Variants in ACSL1 observed in about 807,000 individuals in gnomAD.
ACSL1 encodes acyl-CoA synthetase long chain family member 1, also known as long-chain-fatty-acid--CoA ligase 1.
A neutral mutation model predicts 98.4 loss-of-function variants in ACSL1; 41 were observed. That is an observed-to-expected ratio of 0.42 (90% confidence interval 0.32 to 0.54). The LOEUF (loss-of-function observed/expected upper bound fraction) is 0.54. Ranked by LOEUF, ACSL1 falls within the 20% of genes least tolerant of loss-of-function variation. The probability of loss-of-function intolerance (pLI) is 0.13; values close to 1 mark genes in which losing one functional copy is unlikely to be tolerated. For missense variants in ACSL1, 734 were observed against 883.1 expected (o/e 0.83, Z 2.14); for synonymous variants, 316 against 322.7 (o/e 0.98, Z 0.22).
At chr4:184,778,295 C>T (rs1335539548) in intron 5 of ACSL1, among the ~76,000 whole-genome samples, 1 of 152,230 alleles carries the variant, frequency 6.6e-6, no homozygotes, top group African/African-American at 2.4e-5. Context: ...GGGGCACAAC[C>T]CACTCACATC....
chr4:184,812,906 A>G (rs1314210264), intron 1 of ACSL1, among the ~76,000 whole-genome samples: 1 of 152,166 alleles, frequency 6.6e-6, no homozygotes, highest in Non-Finnish European at 1.5e-5. Flanking sequence ...ACTCAAGCAC[A>G]AGATCCAGAG....
intron 7 of ACSL1, 98 bp downstream of exon 7, chr4:184,776,386 G>T: frequency 7.3e-7 from 1 of 1,376,414 alleles, no homozygotes; most frequent in South Asian, 1.4e-5. Context: ...GCCAGCGCTG[G>T]GACTGCACCA....
chr4:184,779,846 T>A (rs1765933127), intron 5 of ACSL1, among the ~76,000 whole-genome samples: 1 of 152,064 alleles, frequency 6.6e-6, no homozygotes, highest in Non-Finnish European at 1.5e-5. Context: ...TAAAGGCGAT[T>A]AAAAGGCCCT....
At chr4:184,759,148 T>C (rs1018174918) in intron 18 of ACSL1, among the ~76,000 whole-genome samples, 1 of 152,192 alleles carries the variant, frequency 6.6e-6, no homozygotes. Flanking sequence ...CAGTCTATCA[T>C]TGTTGTATAT....
rs1330800888 is a variant in ACSL1 at position 184,756,045 on chromosome 4, A to T, written c.*1080T>A. The T allele has an allele frequency of 6.6e-6, 1 of 152,326 alleles. No homozygotes were observed. Among genetic ancestry groups the T allele is most frequent in the African/African-American group, 2.4e-5 (1 of 41,478 alleles). The allele number at this position is 152,326 out of a possible 1,614,324, so 9.4% of individuals were successfully genotyped here. Reference sequence around the variant, plus strand: ...CAAACACATTTCATAGAAATCAGGTAGCATTATAAGAACATTTGCTTATTA... The same window carrying T: ...CAAACACATTTCATAGAAATCAGGTTGCATTATAAGAACATTTGCTTATTA... On this transcript the variant is annotated 3_prime_UTR_variant, in exon 21 of 21. Coordinates refer to ENST00000281455, the MANE Select transcript of ACSL1 (RefSeq NM_001995.5).
chr4:184,757,202 T>C lies in ACSL1; in HGVS notation c.2020A>G (p.Met674Val), dbSNP rs377055038. 3.1e-6 allele frequency: 5 copies of C among 1,610,576 alleles called. No homozygotes were observed. The highest frequency in any genetic ancestry group is 2.7e-5 in the African/African-American group (2 of 74,876). Residue 674 changes from methionine (M) to valine (V), a missense_variant, in exon 21 of 21, where the codon ATG (methionine) becomes GTG (valine). Physicochemically the swap from Met to Val is conservative, Grantham distance 21. Coordinates refer to ENST00000281455, the MANE Select transcript of ACSL1 (RefSeq NM_001995.5). The surrounding 1 kb of genome is among the most constrained non-coding windows in gnomAD (Gnocchi z 4.5). ...SIDNGLLTPT[M>V]KAKRPELRNY... ...CGCAGCTCTGGCCTTTTCGCCTTCA[T>C]TGTTGGAGTCAGAAGGCCATTGTCG...
chr4:184,769,977 C>A (rs1267622576), intron 11 of ACSL1, among the ~76,000 whole-genome samples: 7 of 152,164 alleles, frequency 4.6e-5, no homozygotes, highest in Non-Finnish European at 7.3e-5. Flanking sequence ...CAAGCACAAT[C>A]AAAAATAGAG....
rs113684532 is a variant in ACSL1 at position 184,772,482 on chromosome 4, T to A, written c.915+599A>T. The stretch of plus-strand genomic sequence containing the variant: ...TAAAAGGCAAGTTTGGAATAGGCTG[T>A]TGGTGTTATGGACTGAATCACATCA... On this transcript the variant is annotated intron_variant, in intron 10 of 20. Coordinates refer to ENST00000281455, the MANE Select transcript of ACSL1 (RefSeq NM_001995.5). Among the ~76,000 whole-genome samples the A allele has an allele frequency of 4.3e-3, 661 of 152,352 alleles. 6 individuals carry two copies. The highest frequency in any genetic ancestry group is 0.015 in the African/African-American group (640 of 41,584).
At chr4:184,760,132 G>T (rs1356547844) in intron 18 of ACSL1, among the ~76,000 whole-genome samples, 1 of 152,072 alleles carries the variant, frequency 6.6e-6, no homozygotes, top group Non-Finnish European at 1.5e-5. Context: ...TGGTACATCA[G>T]ACCTCTCTAA....
At chr4:184,790,396 A>G (rs773905692) in intron 2 of ACSL1, among the ~76,000 whole-genome samples, 29 of 152,182 alleles carry the variant, frequency 1.9e-4, no homozygotes, top group Non-Finnish European at 3.8e-4. Context: ...ATTTATAGAC[A>G]TTCTGTCAAT....
At chr4:184,763,095 C>T in intron 16 of ACSL1, 72 bp downstream of exon 16, 2 of 1,499,446 alleles carry the variant, frequency 1.3e-6, no homozygotes, top group Non-Finnish European at 1.8e-6. Context: ...TTGGGAAATA[C>T]CACAGCATTC....
At chr4:184,785,821 T>C (rs1767193488) in intron 3 of ACSL1, among the ~76,000 whole-genome samples, 1 of 152,208 alleles carries the variant, frequency 6.6e-6, no homozygotes, top group African/African-American at 2.4e-5. Flanking sequence ...GTCACCATGC[T>C]CCTCGATGAA....
chr4:184,791,003 G>C (rs1561217458), intron 2 of ACSL1, among the ~76,000 whole-genome samples: 1 of 152,220 alleles, frequency 6.6e-6, no homozygotes, highest in South Asian at 2.1e-4. Flanking sequence ...GAATGAGTGG[G>C]TGTGAAAAGA....
intron 7 of ACSL1, among the ~76,000 whole-genome samples, chr4:184,774,768 C>G (rs1181607710): frequency 6.7e-6 from 1 of 150,180 alleles, no homozygotes; most frequent in Non-Finnish European, 1.5e-5. Context: ...GTGCTCAGGG[C>G]TTAGTGAGTT....
intron 5 of ACSL1, among the ~76,000 whole-genome samples, chr4:184,777,591 A>G (rs1765505241): frequency 6.6e-6 from 1 of 151,894 alleles, no homozygotes; most frequent in Non-Finnish European, 1.5e-5. Context: ...AAGGAAAGGA[A>G]AGGAGAGAAA....
rs1763364123 is a variant in ACSL1, at chr4:184,764,945, A to G, written c.1360-20T>C. 6.2e-7 allele frequency: 1 copy of G among 1,611,698 alleles called. No homozygotes were observed. The highest frequency in any genetic ancestry group is 1.7e-5 in the Admixed American group (1 of 59,498). On this transcript the variant is annotated intron_variant, in intron 14 of 20. Transcript: ENST00000281455. ...ATAAAACTGGGGCACCAAGAGATGC[A>G]ACATTATTAAGGAGAGCACAATCAC...
intron 1 of ACSL1, chr4:184,808,356 CCTT>C (rs1771693939): frequency 6.1e-6 from 6 of 985,310 alleles, no homozygotes; most frequent in Admixed American, 6.1e-5. Context: ...ATGTTTCTCT[CCTT>C]CTAAAGTTCC....
At chr4:184,788,452 C>T (rs1190559614) in intron 3 of ACSL1, 165 bp downstream of exon 3, 1 of 694,136 alleles carries the variant, frequency 1.4e-6, no homozygotes, top group Middle Eastern at 2.3e-4. Context: ...TCTAGAGGGT[C>T]CAGTGAGCTT....
chr4:184,813,068 C>T (rs1200052440), intron 1 of ACSL1, among the ~76,000 whole-genome samples: 1 of 152,152 alleles, frequency 6.6e-6, no homozygotes, highest in Non-Finnish European at 1.5e-5. Flanking sequence ...AGCTCTCCTC[C>T]CTTCTCTCTT....
Sources: allele counts gnomAD v4.1 joint callset (sites outside exome capture counted in the v4.1 genomes callset), GRCh38; gene constraint gnomAD v4.1.1; non-coding constraint Gnocchi (gnomAD v3.1); transcripts MANE v1.5; gene names NCBI Gene and HGNC (gene_info 2026-07-23, HGNC 2026-07-21).